The following PBX3 variants were observed in gnomAD, a reference collection of about 807,000 sequenced individuals.
PBX3 encodes pre-B-cell leukemia transcription factor 3.
In PBX3, 14 loss-of-function variants were observed where a neutral mutation model predicts 48.5. That is an observed-to-expected ratio of 0.29 (90% CI 0.19 to 0.45). The LOEUF (loss-of-function observed/expected upper bound fraction) is 0.45, where lower values mean the gene tolerates loss of function less well. PBX3 is among the 20% of genes least tolerant of loss of function. The pLI, the probability that PBX3 is intolerant of heterozygous loss-of-function variation, is 1.00. For synonymous variants in PBX3, 210 were observed against 200.3 expected (o/e 1.05, Z -0.41); for missense variants, 386 against 546.7 (o/e 0.71, Z 2.93).
intron 2 of PBX3, among the ~76,000 whole-genome samples, chr9:125,886,489 G>T (rs1001858556): frequency 2.0e-5 from 3 of 152,110 alleles, no homozygotes; most frequent in Admixed American, 2.0e-4. Flanking sequence ...GTAAATTTGA[G>T]CTGTGGAAAT....
intron 2 of PBX3, among the ~76,000 whole-genome samples, chr9:125,856,068 A>G (rs917775136): frequency 6.8e-6 from 1 of 146,396 alleles, no homozygotes; most frequent in African/African-American, 2.4e-5. Flanking sequence ...GGAAAAAAAT[A>G]ACTATAAAAA....
intron 2 of PBX3, among the ~76,000 whole-genome samples, chr9:125,898,592 C>T (rs1840831609): frequency 6.6e-6 from 1 of 151,690 alleles, no homozygotes; most frequent in Non-Finnish European, 1.5e-5. Flanking sequence ...GAACATCTAG[C>T]TCAGCCCTCT....
At chr9:125,861,934 T>C (rs1839871793) in intron 2 of PBX3, among the ~76,000 whole-genome samples, 1 of 152,214 alleles carries the variant, frequency 6.6e-6, no homozygotes, top group African/African-American at 2.4e-5. Context: ...AACTATTGAA[T>C]TGTATACTTT....
intron 4 of PBX3, 123 bp downstream of exon 4, chr9:125,929,968 G>A: frequency 2.8e-6 from 2 of 709,830 alleles, no homozygotes; most frequent in Non-Finnish European, 4.8e-6. Flanking sequence ...TTTGTACAAT[G>A]GACAGGTAAT....
At position 125,966,462 on chromosome 9, in the gene PBX3, T is replaced by G. The variant is rs1842535405; in HGVS notation, c.*539T>G. The G allele has an allele frequency of 6.5e-6, 1 of 152,758 alleles. No individual in the cohort carries two copies. The highest frequency in any genetic ancestry group is 2.4e-5 in the African/African-American group (1 of 41,468). 9.5% of individuals were successfully genotyped at this position (152,758 alleles called of 1,614,324 possible). A position where few individuals can be genotyped will look rare whatever the true frequency, so the allele number is the denominator to read the frequency against. On this transcript the variant is annotated 3_prime_UTR_variant, in exon 9 of 9. Transcript: ENST00000373489. ...CTCGTCACGTTTGTGTTCAGATCTCTTATGTTATAATTAGATCAGAGACTG... is the reference window on the plus strand; with the variant it reads ...CTCGTCACGTTTGTGTTCAGATCTCGTATGTTATAATTAGATCAGAGACTG...
At chr9:125,926,816 G>A (rs10987042) in intron 3 of PBX3, among the ~76,000 whole-genome samples, 3,315 of 152,062 alleles carry the variant, frequency 0.022, 182 homozygotes, top group East Asian at 0.17. Flanking sequence ...GCTAAACTCC[G>A]TCTCAAAAAA....
chr9:125,901,149 C>T (rs55727328), intron 2 of PBX3, among the ~76,000 whole-genome samples: 1 of 151,782 alleles, frequency 6.6e-6, no homozygotes, highest in African/African-American at 2.4e-5. Context: ...GTTTTCTTAT[C>T]TCAAGTTGAT....
chr9:125,805,213 G>A (rs1838089663), intron 2 of PBX3, among the ~76,000 whole-genome samples: 1 of 152,050 alleles, frequency 6.6e-6, no homozygotes, highest in Non-Finnish European at 1.5e-5. Flanking sequence ...AAGAGGGACT[G>A]CCAAGTGCAC....
At chr9:125,892,036 C>T (rs1232980195) in intron 2 of PBX3, among the ~76,000 whole-genome samples, 2 of 152,132 alleles carry the variant, frequency 1.3e-5, no homozygotes, top group East Asian at 1.9e-4. Flanking sequence ...TCTCCTGCCC[C>T]GGCCTCCCGA....
chr9:125,843,650 T>G (rs1839346178), intron 2 of PBX3: 4 of 278,874 alleles, frequency 1.4e-5, no homozygotes, highest in South Asian at 1.2e-4. Flanking sequence ...GAAAGAATAT[T>G]ACATTAGGGC....
chr9:125,862,258 T>C (rs1313722425), intron 2 of PBX3, among the ~76,000 whole-genome samples: 3 of 152,204 alleles, frequency 2.0e-5, no homozygotes, highest in Non-Finnish European at 4.4e-5. Flanking sequence ...TGCCTGGTTG[T>C]GCTTGAAAAC....
At chr9:125,786,219 AGAG>A (rs1837453051) in intron 2 of PBX3, among the ~76,000 whole-genome samples, 2 of 152,194 alleles carry the variant, frequency 1.3e-5, no homozygotes, top group Non-Finnish European at 2.9e-5. Flanking sequence ...TCTTTCTAAG[AGAG>A]GAGATTTGAG....
At chr9:125,873,494 A>G (rs968691316) in intron 2 of PBX3, among the ~76,000 whole-genome samples, 3 of 152,222 alleles carry the variant, frequency 2.0e-5, no homozygotes, top group African/African-American at 7.2e-5. Context: ...CACATACCAT[A>G]TTCTCTTATG....
rs563867712 is a variant in PBX3, at chr9:125,900,801, A to T, written c.275-14885A>T. ...CTGAATGTGGAATTTATTTTATCAGATAACTGACCATTGTTTTCAGTGTAA... is the reference window on the plus strand; with the variant it reads ...CTGAATGTGGAATTTATTTTATCAGTTAACTGACCATTGTTTTCAGTGTAA... On this transcript the variant is annotated intron_variant, in intron 2 of 8. Coordinates refer to ENST00000373489, the MANE Select transcript of PBX3 (RefSeq NM_006195.6). 3.3e-5 allele frequency among the ~76,000 whole-genome samples: 5 copies of T among 151,934 alleles called. No homozygotes were observed. The South Asian group carries it at 1.0e-3, about 31-fold the overall frequency.
intron 2 of PBX3, among the ~76,000 whole-genome samples, chr9:125,757,459 C>G (rs1256674191): frequency 6.6e-6 from 1 of 152,154 alleles, no homozygotes. Flanking sequence ...ACAGACATTA[C>G]TCTGTAGTTG....
At chr9:125,964,775 A>G (rs1402853145) in intron 8 of PBX3, among the ~76,000 whole-genome samples, 1 of 152,204 alleles carries the variant, frequency 6.6e-6, no homozygotes. Context: ...CAGGGAATCT[A>G]GACAAGAGTT....
intron 2 of PBX3, among the ~76,000 whole-genome samples, chr9:125,835,609 A>AT: frequency 6.6e-6 from 1 of 152,372 alleles, no homozygotes; most frequent in African/African-American, 2.4e-5. Context: ...CAGGTGTATG[A>AT]AAATGCCCAG....
At chr9:125,916,994 C>CT (rs1430047480) in intron 3 of PBX3, among the ~76,000 whole-genome samples, 4 of 152,152 alleles carry the variant, frequency 2.6e-5, no homozygotes, top group African/African-American at 9.7e-5. Flanking sequence ...TCAGAATCAG[C>CT]TAGATACTTT....
At chr9:125,770,550 G>A (rs1417037609) in intron 2 of PBX3, among the ~76,000 whole-genome samples, 1 of 152,018 alleles carries the variant, frequency 6.6e-6, no homozygotes, top group East Asian at 1.9e-4. Flanking sequence ...CCAAACTCAG[G>A]TTCTTACTCA....
Sources: gnomAD v4.1 joint callset for allele counts (sites outside exome capture counted in the v4.1 genomes callset) on GRCh38, gnomAD v4.1.1 for gene constraint, MANE v1.5 for transcripts, NCBI Gene and HGNC (gene_info 2026-07-23, HGNC 2026-07-21) for gene names.